The following ARHGAP28 variants were observed in gnomAD, a reference collection of about 807,000 sequenced individuals.
The protein encoded by ARHGAP28 is Rho GTPase activating protein 28, also known as rho GTPase-activating protein 28.
A neutral mutation model predicts 90.7 loss-of-function variants in ARHGAP28; 56 were observed. The observed-to-expected ratio is 0.62, with a 90% CI of 0.50 to 0.77. ARHGAP28 has a LOEUF of 0.77. Ranked by LOEUF, ARHGAP28 falls within the 30% of genes least tolerant of loss-of-function variation. ARHGAP28 has a pLI of 0.00. For synonymous variants in ARHGAP28, 308 were observed against 323.3 expected (o/e 0.95, Z 0.51); for missense variants, 869 against 900.9 (o/e 0.96, Z 0.45).
intron 14 of ARHGAP28, among the ~76,000 whole-genome samples, chr18:6,892,466 G>A (rs1353160616): frequency 6.6e-6 from 1 of 152,254 alleles, no homozygotes; most frequent in East Asian, 1.9e-4. Context: ...GACTTTTTCT[G>A]ATAAGTCCAA....
intron 3 of ARHGAP28, among the ~76,000 whole-genome samples, chr18:6,844,287 T>A (rs1385690692): frequency 6.6e-6 from 1 of 152,212 alleles, no homozygotes; most frequent in African/African-American, 2.4e-5. Flanking sequence ...GAAGACGATG[T>A]AGGTGGTGTT....
intron 16 of ARHGAP28, among the ~76,000 whole-genome samples, chr18:6,907,394 G>GAAA (rs201812761): frequency 3.2e-4 from 44 of 136,870 alleles, no homozygotes; most frequent in South Asian, 9.7e-4. Context: ...TCAAAAACTG[G>GAAA]AAAAAAAAAA....
At chr18:6,910,533 A>C (rs962252651) in intron 17 of ARHGAP28, among the ~76,000 whole-genome samples, 1 of 152,036 alleles carries the variant, frequency 6.6e-6, no homozygotes, top group African/African-American at 2.4e-5. Context: ...CTCCCCCCAG[A>C]CAGCCTCACT....
intron 10 of ARHGAP28, among the ~76,000 whole-genome samples, chr18:6,879,717 TGGGGGA>T (rs1316700150): frequency 6.6e-6 from 1 of 151,844 alleles, no homozygotes; most frequent in East Asian, 1.9e-4. Context: ...GACCTGAGAG[TGGGGGA>T]GGGGCGAGCA....
chr18:6,767,879 C>T (rs1567940740), intron 1 of ARHGAP28, among the ~76,000 whole-genome samples: 1 of 152,110 alleles, frequency 6.6e-6, no homozygotes, highest in Non-Finnish European at 1.5e-5. Flanking sequence ...AAATTTTCAG[C>T]CACTATTTCT....
At chr18:6,746,427 T>C (rs752082988) in intron 1 of ARHGAP28, among the ~76,000 whole-genome samples, 6 of 152,208 alleles carry the variant, frequency 3.9e-5, no homozygotes, top group Non-Finnish European at 8.8e-5. Context: ...AAACTTTATT[T>C]AGAGAAACAG....
At chr18:6,834,775 G>C (rs1300161520) in intron 2 of ARHGAP28, among the ~76,000 whole-genome samples, 1 of 152,156 alleles carries the variant, frequency 6.6e-6, no homozygotes, top group Non-Finnish European at 1.5e-5. Flanking sequence ...AAGGCCTTGG[G>C]GGTGTGTTGG....
chr18:6,873,886 AT>A, intron 9 of ARHGAP28, 111 bp downstream of exon 9: 1 of 913,628 alleles, frequency 1.1e-6, no homozygotes, highest in Non-Finnish European at 1.7e-6. Context: ...CTATCGCCCT[AT>A]TAGGACTCAG....
chr18:6,808,521 G>A (rs1270476071), intron 1 of ARHGAP28, among the ~76,000 whole-genome samples: 1 of 151,988 alleles, frequency 6.6e-6, no homozygotes, highest in African/African-American at 2.4e-5. Context: ...CCTAGATTTT[G>A]TTGTATTTCC....
At chr18:6,883,332 G>A (rs927725749) in intron 11 of ARHGAP28, among the ~76,000 whole-genome samples, 6 of 151,786 alleles carry the variant, frequency 4.0e-5, no homozygotes, top group Non-Finnish European at 7.4e-5. Context: ...TCCACCCCCG[G>A]GATTCAAGCG....
chr18:6,808,772 G>A (rs1303897333), intron 1 of ARHGAP28, among the ~76,000 whole-genome samples: 1 of 152,138 alleles, frequency 6.6e-6, no homozygotes. Context: ...TATATTTTTA[G>A]TATACACACC....
intron 1 of ARHGAP28, among the ~76,000 whole-genome samples, chr18:6,767,694 T>C (rs983991409): frequency 1.3e-5 from 2 of 152,220 alleles, no homozygotes; most frequent in Non-Finnish European, 2.9e-5. Context: ...CTTATCTTTG[T>C]TCTTCTGTAT....
intron 16 of ARHGAP28, among the ~76,000 whole-genome samples, chr18:6,906,118 C>T (rs540163045): frequency 4.4e-4 from 67 of 152,000 alleles, no homozygotes; most frequent in African/African-American, 1.4e-3. Flanking sequence ...TAGGAGGAAT[C>T]ACTTTACTAG....
chr18:6,752,628 A>G (rs935809230), intron 1 of ARHGAP28, among the ~76,000 whole-genome samples: 1 of 152,194 alleles, frequency 6.6e-6, no homozygotes, highest in Admixed American at 6.5e-5. Context: ...CAGCCTCTGC[A>G]TGAGAAAGAC....
At chr18:6,857,976 G>C (rs1422742851) in intron 4 of ARHGAP28, among the ~76,000 whole-genome samples, 1 of 152,154 alleles carries the variant, frequency 6.6e-6, no homozygotes, top group Non-Finnish European at 1.5e-5. Context: ...TTAGGATGCA[G>C]GCTCCTCAAA....
intron 1 of ARHGAP28, among the ~76,000 whole-genome samples, chr18:6,781,717 G>A (rs1043525469): frequency 1.3e-5 from 2 of 152,162 alleles, no homozygotes; most frequent in Non-Finnish European, 1.5e-5. Flanking sequence ...TTCTGGGGGT[G>A]GGACACCAAA....
At chr18:6,827,572 C>T (rs1312175944) in intron 2 of ARHGAP28, among the ~76,000 whole-genome samples, 2 of 137,528 alleles carry the variant, frequency 1.5e-5, no homozygotes, top group African/African-American at 2.8e-5. Context: ...CCGGACGGGG[C>T]GACTGGCTGG....
At chr18:6,911,189 A>G (rs2057397094) in intron 17 of ARHGAP28, among the ~76,000 whole-genome samples, 2 of 152,168 alleles carry the variant, frequency 1.3e-5, no homozygotes, top group Admixed American at 1.3e-4. Context: ...CACTGCACGT[A>G]AAGACTTTCG....
rs566778550 is a variant in ARHGAP28, at chr18:6,774,776, C to T, written c.122+44833C>T. Among the ~76,000 whole-genome samples, 28 of 152,330 alleles carry T rather than the reference C, an allele frequency of 1.8e-4. 1 individual carries two copies. In the South Asian group the frequency reaches 5.6e-3, roughly 30 times the overall value. ...TCAGCGCTGGGACAGAGGGCACCCACCAGAAGTGGCTGTGTGTTGCCCTGG... is the reference window on the plus strand; with the variant it reads ...TCAGCGCTGGGACAGAGGGCACCCATCAGAAGTGGCTGTGTGTTGCCCTGG... On this transcript the variant is annotated intron_variant, in intron 1 of 17. Coordinates refer to ENST00000383472, the MANE Select transcript of ARHGAP28 (RefSeq NM_001366230.1).
Sources: allele counts gnomAD v4.1 joint callset (sites outside exome capture counted in the v4.1 genomes callset), GRCh38; gene constraint gnomAD v4.1.1; transcripts MANE v1.5; gene names NCBI Gene and HGNC (gene_info 2026-07-23, HGNC 2026-07-21).